The following ELFN1 variants were observed in gnomAD, a reference collection of about 807,000 sequenced individuals.
ELFN1 encodes protein ELFN1.
In ELFN1, 6 loss-of-function variants were observed where a neutral mutation model predicts 7.6. The observed-to-expected ratio is 0.79, with a 90% confidence interval of 0.43 to 1.56. ELFN1 has a LOEUF of 1.56. Among genes scored for constraint, ELFN1 ranks in the 40% most tolerant of loss-of-function variants. The probability of loss-of-function intolerance (pLI) is 0.01; values close to 1 mark genes in which losing one functional copy is unlikely to be tolerated. For missense variants in ELFN1, 1,169 were observed against 1,232.2 expected (o/e 0.95, Z 0.77); for synonymous variants, 657 against 588.1 (o/e 1.12, Z -1.70).
upstream of ELFN1, among the ~76,000 whole-genome samples, chr7:1,666,284 T>TGG (rs1004376270): frequency 2.0e-4 from 28 of 141,114 alleles, no homozygotes; most frequent in African/African-American, 6.8e-4. The surrounding 1 kb of genome is among the most constrained non-coding windows in gnomAD (Gnocchi z 7.9). Flanking sequence ...GGATGCTCTC[T>TGG]GGGGGGGGCG....
rs1253845713 is a variant in ELFN1 at position 1,740,957 on chromosome 7, C to G, written c.-293-3347C>G. ...CCAGCCTGACCAATATGGTGAAACC[C>G]TGTCTCTACTAAAAGTACAAAAATT... On this transcript the variant is annotated intron_variant, in intron 3 of 3. Coordinates refer to ENST00000424383, the MANE Select transcript of ELFN1 (RefSeq NM_001128636.4). The surrounding 1 kb of genome is among the most constrained non-coding windows in gnomAD (Gnocchi z 5.0). Among the ~76,000 whole-genome samples the G allele has an allele frequency of 1.3e-5, 2 of 152,100 alleles. No homozygotes were observed. The highest frequency in any genetic ancestry group is 4.8e-5 in the African/African-American group (2 of 41,426).
intron 1 of ELFN1, among the ~76,000 whole-genome samples, chr7:1,681,899 G>A (rs554665785): frequency 1.3e-4 from 20 of 152,254 alleles, no homozygotes; most frequent in African/African-American, 4.8e-4. Context: ...TTTCTTCTTT[G>A]ATAAAATGTC....
chr7:1,667,518 C>G (rs961417199), upstream of ELFN1, among the ~76,000 whole-genome samples: 3 of 152,140 alleles, frequency 2.0e-5, no homozygotes, highest in African/African-American at 7.2e-5. The surrounding 1 kb of genome is among the most constrained non-coding windows in gnomAD (Gnocchi z 8.2). Flanking sequence ...TCGCGCGCCT[C>G]GAGGGCCCAG....
At chr7:1,731,816 A>G (rs1780330741) in intron 3 of ELFN1, among the ~76,000 whole-genome samples, 1 of 152,068 alleles carries the variant, frequency 6.6e-6, no homozygotes, top group African/African-American at 2.4e-5. Context: ...CGCCTGGCTA[A>G]TTTTTGTATT....
chr7:1,747,092 A>C lies in ELFN1; in HGVS notation c.*9A>C. The C allele has an allele frequency of 2.7e-6, 4 of 1,468,446 alleles. No homozygotes were observed. Among genetic ancestry groups the C allele is most frequent in the Non-Finnish European group, 3.6e-6 (4 of 1,102,512 alleles). 91.0% of individuals were successfully genotyped at this position (1,468,446 alleles called of 1,614,324 possible). On this transcript the variant is annotated 3_prime_UTR_variant, in exon 4 of 4. Transcript: ENST00000424383. ...CCCAGCACAAGTCCTGAGCCCCCCA[A>C]GACCGGCGATGCCCACTGGACCAAA...
intron 1 of ELFN1, among the ~76,000 whole-genome samples, chr7:1,683,615 T>C (rs1779012753): frequency 6.6e-6 from 1 of 152,248 alleles, no homozygotes; most frequent in African/African-American, 2.4e-5. Flanking sequence ...CTAGTTGTTC[T>C]ATCAGTTATT....
chr7:1,710,017 GTTTC>G (rs1185539665), intron 3 of ELFN1, among the ~76,000 whole-genome samples: 3 of 152,220 alleles, frequency 2.0e-5, no homozygotes, highest in Non-Finnish European at 2.9e-5. Context: ...CTGTTCCGTA[GTTTC>G]TTTGTCTAAT....
chr7:1,687,673 T>C (rs906531349), intron 1 of ELFN1, among the ~76,000 whole-genome samples: 2 of 152,208 alleles, frequency 1.3e-5, no homozygotes, highest in Admixed American at 6.5e-5. Context: ...TGAAACTTGA[T>C]GCCTACCTCA....
At chr7:1,719,054 G>T (rs1779922451) in intron 3 of ELFN1, among the ~76,000 whole-genome samples, 1 of 152,128 alleles carries the variant, frequency 6.6e-6, no homozygotes, top group South Asian at 2.1e-4. Flanking sequence ...TCACATCTGG[G>T]GTTGAATGAG....
intron 2 of ELFN1, among the ~76,000 whole-genome samples, chr7:1,700,341 C>T (rs1307069688): frequency 1.3e-5 from 2 of 152,206 alleles, no homozygotes; most frequent in African/African-American, 2.4e-5. Context: ...AGGCTTCTGG[C>T]GCTTTCTTTC....
intron 3 of ELFN1, among the ~76,000 whole-genome samples, chr7:1,732,624 A>G (rs1780347684): frequency 6.6e-6 from 1 of 152,176 alleles, no homozygotes; most frequent in South Asian, 2.1e-4. Context: ...AAGAATTCAA[A>G]CAGTAAAGAG....
At chr7:1,693,794 C>T (rs1779234610) in intron 2 of ELFN1, 5 of 470,312 alleles carry the variant, frequency 1.1e-5, no homozygotes, top group South Asian at 4.6e-5. Context: ...ACACGGGGTG[C>T]GGGACACGTG....
chr7:1,719,088 G>C (rs1032276867), intron 3 of ELFN1, among the ~76,000 whole-genome samples: 4 of 151,788 alleles, frequency 2.6e-5, no homozygotes, highest in African/African-American at 7.3e-5. Flanking sequence ...ACCCCCAGGG[G>C]TTACCAACAG....
At chr7:1,717,940 C>T (rs910527857) in intron 3 of ELFN1, among the ~76,000 whole-genome samples, 4 of 152,200 alleles carry the variant, frequency 2.6e-5, no homozygotes, top group African/African-American at 4.8e-5. Flanking sequence ...AGAAGCCTCT[C>T]ATCTGTATTA....
intron 3 of ELFN1, among the ~76,000 whole-genome samples, chr7:1,733,787 T>A (rs1053487086): frequency 6.6e-6 from 1 of 152,156 alleles, no homozygotes; most frequent in Non-Finnish European, 1.5e-5. Flanking sequence ...TCAGTCATTG[T>A]GGTAATGGTG....
At chr7:1,687,619 A>G (rs1779083129) in intron 1 of ELFN1, among the ~76,000 whole-genome samples, 1 of 152,250 alleles carries the variant, frequency 6.6e-6, no homozygotes, top group South Asian at 2.1e-4. Flanking sequence ...GTATATTTCA[A>G]TAAAAGGGGT....
chr7:1,675,022 T>TGCGCTCCCCACACCTCATATCC, intron 1 of ELFN1, among the ~76,000 whole-genome samples: 2 of 64,552 alleles, frequency 3.1e-5, no homozygotes, highest in African/African-American at 2.7e-4. Flanking sequence ...GCTCCCATGC[T>TGCGCTCCCCACACCTCATATCC]GGGCTCCCCA....
rs541514574 is a variant in ELFN1 at position 1,670,384 on chromosome 7, C to T, written c.-549+30C>T. Reference sequence around the variant, plus strand: ...GCGGCGAGCGCGGCCGGGCGCTGAACCTGGGGGACTTGGGACCCGGACCAC... The same window carrying T: ...GCGGCGAGCGCGGCCGGGCGCTGAATCTGGGGGACTTGGGACCCGGACCAC... On this transcript the variant is annotated intron_variant, in intron 1 of 3. Transcript: ENST00000424383. This position sits in a 1 kb window ranked among gnomAD's most constrained non-coding sequence, Gnocchi z 6.4. 6.6e-6 allele frequency among the ~76,000 whole-genome samples: 1 copy of T among 151,612 alleles called. No homozygotes were observed. Among genetic ancestry groups the T allele is most frequent in the Non-Finnish European group, 1.5e-5 (1 of 67,830 alleles).
chr7:1,675,189 C>T (rs1778845327), intron 1 of ELFN1, among the ~76,000 whole-genome samples: 1 of 152,236 alleles, frequency 6.6e-6, no homozygotes, highest in Non-Finnish European at 1.5e-5. Context: ...TCTAGGACCC[C>T]ACCCCACAGA....
Sources: gnomAD v4.1 joint callset for allele counts (sites outside exome capture counted in the v4.1 genomes callset) on GRCh38, gnomAD v4.1.1 for gene constraint, Gnocchi (gnomAD v3.1) non-coding constraint, MANE v1.5 for transcripts, NCBI Gene and HGNC (gene_info 2026-07-23, HGNC 2026-07-21) for gene names.